EPHA5: variants seen among roughly 807,000 people sequenced by gnomAD.
EPHA5 encodes the protein ephrin type-A receptor 5.
Under a neutral mutation model 105.0 loss-of-function variants are expected in EPHA5, and 60 were observed. That is an observed-to-expected ratio of 0.57 (90% CI 0.46 to 0.71). EPHA5 has a LOEUF of 0.71. EPHA5 is among the 30% of genes least tolerant of loss of function. The pLI is 0.00. For synonymous variants in EPHA5, 513 were observed against 449.1 expected (o/e 1.14, Z -1.80); for missense variants, 1,218 against 1,274.7 (o/e 0.96, Z 0.68).
At chr4:65,614,821 T>C (rs1745085106) in intron 2 of EPHA5, among the ~76,000 whole-genome samples, 1 of 151,772 alleles carries the variant, frequency 6.6e-6, no homozygotes, top group African/African-American at 2.4e-5. Context: ...GTTTTAAACC[T>C]GGGATCTTTA....
chr4:65,591,574 G>T (rs1253445488), intron 3 of EPHA5, among the ~76,000 whole-genome samples: 2 of 151,650 alleles, frequency 1.3e-5, no homozygotes, highest in Non-Finnish European at 2.9e-5. Context: ...TCAAAGCCGA[G>T]ATGACTTTGC....
chr4:65,382,445 G>T (rs1260058799), intron 8 of EPHA5, among the ~76,000 whole-genome samples: 1 of 151,700 alleles, frequency 6.6e-6, no homozygotes, highest in Non-Finnish European at 1.5e-5. Context: ...AAACGTGTTA[G>T]ATACAATTTG....
chr4:65,372,521 T>G (rs1718579338), intron 8 of EPHA5, among the ~76,000 whole-genome samples: 2 of 151,886 alleles, frequency 1.3e-5, no homozygotes, highest in African/African-American at 4.8e-5. Context: ...GGGTTCTTCA[T>G]AGATAGATTT....
chr4:65,540,355 C>T (rs1230095809), intron 3 of EPHA5, among the ~76,000 whole-genome samples: 2 of 151,430 alleles, frequency 1.3e-5, no homozygotes, highest in Non-Finnish European at 3.0e-5. Flanking sequence ...ACCAGCCTAA[C>T]TCTGTCACTG....
At chr4:65,494,945 G>A (rs975391158) in intron 4 of EPHA5, among the ~76,000 whole-genome samples, 9 of 151,836 alleles carry the variant, frequency 5.9e-5, no homozygotes, top group African/African-American at 1.9e-4. Flanking sequence ...GGGAAAACTG[G>A]CAGAGAAAGA....
intron 2 of EPHA5, among the ~76,000 whole-genome samples, chr4:65,637,029 G>C (rs977391368): frequency 5.3e-5 from 8 of 151,888 alleles, no homozygotes; most frequent in Non-Finnish European, 1.2e-4. Flanking sequence ...GAAAAAAGAG[G>C]AGAGTTAAAG....
intron 5 of EPHA5, among the ~76,000 whole-genome samples, chr4:65,449,914 C>T (rs992725300): frequency 1.9e-4 from 29 of 152,054 alleles, no homozygotes; most frequent in African/African-American, 7.0e-4. Context: ...GAGATCAGGG[C>T]TCTGTCTACA....
intron 3 of EPHA5, among the ~76,000 whole-genome samples, chr4:65,557,507 C>T (rs1016899114): frequency 6.6e-6 from 1 of 151,564 alleles, no homozygotes; most frequent in Non-Finnish European, 1.5e-5. Flanking sequence ...TGAAACCACA[C>T]CAGTAAAGAT....
intron 8 of EPHA5, among the ~76,000 whole-genome samples, chr4:65,383,089 A>G (rs1719724169): frequency 6.7e-6 from 1 of 149,560 alleles, no homozygotes; most frequent in South Asian, 2.1e-4. Flanking sequence ...ATATGTAAAA[A>G]TCTTATGCAT....
At chr4:65,338,727 A>G (rs891589277) in intron 14 of EPHA5, among the ~76,000 whole-genome samples, 1 of 152,154 alleles carries the variant, frequency 6.6e-6, no homozygotes, top group African/African-American at 2.4e-5. Context: ...ATTTGGAACT[A>G]TAACTTCACA....
chr4:65,403,660 G>T (rs1722074464), intron 8 of EPHA5, among the ~76,000 whole-genome samples: 1 of 151,762 alleles, frequency 6.6e-6, no homozygotes, highest in African/African-American at 2.4e-5. Flanking sequence ...TTTTAAGGAG[G>T]TTGATTATGC....
Position 65,479,488 on chromosome 4 carries a change from T to C in EPHA5, c.1402+10889A>G, listed in dbSNP as rs191615778. 2.2e-4 allele frequency among the ~76,000 whole-genome samples: 34 copies of C among 152,266 alleles called. 1 individual carries two copies. The East Asian group carries it at 4.4e-3, about 20-fold the overall frequency. On this transcript the variant is annotated intron_variant, in intron 5 of 16. Coordinates refer to ENST00000613740, the MANE Select transcript of EPHA5 (RefSeq NM_001281766.3). ...CTTGGTGAAAAAAATAGAACTATATTAGGTACCTTGTATAGGGAAATGGGG... is the reference window on the plus strand; with the variant it reads ...CTTGGTGAAAAAAATAGAACTATATCAGGTACCTTGTATAGGGAAATGGGG...
In EPHA5 at chr4:65,669,592, G is replaced by C. The variant is rs763862819; in HGVS notation, c.151C>G (p.Arg51Gly). 1 of 1,432,806 alleles carries C rather than the reference G, an allele frequency of 7.0e-7. No homozygotes were observed. The highest frequency in any genetic ancestry group is 9.2e-7 in the Non-Finnish European group (1 of 1,088,280). The allele number at this position is 1,432,806 out of a possible 1,614,324, so 88.8% of individuals were successfully genotyped here. The change falls in exon 1 of 17, where the codon CGG becomes GGG. Residue 51 changes from arginine to glycine, a missense_variant. Physicochemically the swap from Arg to Gly is moderately radical, Grantham distance 125. This residue lies in a region of EPHA5 where 233 missense variants were observed against 227.5 expected (regional missense o/e 1.02). Transcript: ENST00000613740. ...WTCLLLCAAL[R>G]TLLASPSNEV... is the part of the protein sequence containing the mutation. ...TTGCTGGGGCTGGCCAGGAGGGTCC[G>C]GAGTGCGGCGCACAGGAGAAGGCAC...
chr4:65,486,680 C>T (rs1411261850), intron 5 of EPHA5, among the ~76,000 whole-genome samples: 2 of 152,194 alleles, frequency 1.3e-5, no homozygotes, highest in South Asian at 2.1e-4. Flanking sequence ...GATATTTAGG[C>T]ATTAAAAACT....
At chr4:65,480,845 G>T (rs1451293890) in intron 5 of EPHA5, among the ~76,000 whole-genome samples, 1 of 148,562 alleles carries the variant, frequency 6.7e-6, no homozygotes, top group East Asian at 2.0e-4. Context: ...AGTATATTTT[G>T]AGTGCAACTA....
intron 5 of EPHA5, among the ~76,000 whole-genome samples, chr4:65,449,345 G>T (rs1726860335): frequency 6.6e-6 from 1 of 152,122 alleles, no homozygotes; most frequent in Non-Finnish European, 1.5e-5. Context: ...TTTAAAAAAA[G>T]AGCCTTTTGC....
intron 5 of EPHA5, among the ~76,000 whole-genome samples, chr4:65,447,032 GCTGGTGTGCAGTAGCATGAT>G (rs1397091451): frequency 6.9e-6 from 1 of 143,940 alleles, no homozygotes; most frequent in Non-Finnish European, 1.5e-5. Flanking sequence ...TGTCACTCAG[GCTGGTGTGCAGTAGCATGAT>G]CATAGCTCAC....
chr4:65,474,896 C>G (rs1729643608), intron 5 of EPHA5, among the ~76,000 whole-genome samples: 1 of 152,100 alleles, frequency 6.6e-6, no homozygotes, highest in Non-Finnish European at 1.5e-5. Flanking sequence ...TTGAGACTCC[C>G]CAAACAACTC....
chr4:65,487,194 A>G (rs1021276786), intron 5 of EPHA5, among the ~76,000 whole-genome samples: 1 of 152,224 alleles, frequency 6.6e-6, no homozygotes, highest in African/African-American at 2.4e-5. Flanking sequence ...GTGGAAAAAG[A>G]CTAATACAAA....
Sources: allele counts gnomAD v4.1 joint callset (sites outside exome capture counted in the v4.1 genomes callset), GRCh38; gene constraint gnomAD v4.1.1; regional missense constraint gnomAD v4.1.1; transcripts MANE v1.5; gene names NCBI Gene and HGNC (gene_info 2026-07-23, HGNC 2026-07-21).